Variants in ZFAND2A observed in about 807,000 individuals in gnomAD.
The protein encoded by ZFAND2A is zinc finger AN1-type containing 2A.
In ZFAND2A, 20 loss-of-function variants were observed where a neutral mutation model predicts 11.6. That is an observed-to-expected ratio of 1.72 (90% CI 1.21 to 2.50). The LOEUF (loss-of-function observed/expected upper bound fraction) is 2.50, where lower values mean the gene tolerates loss of function less well. Among genes scored for constraint, ZFAND2A ranks in the 30% most tolerant of loss-of-function variants. ZFAND2A has a pLI of 0.00. For synonymous variants in ZFAND2A, 93 were observed against 60.6 expected, an observed-to-expected ratio of 1.54 and a Z score of -2.48; for missense variants, 234 against 182.9, an observed-to-expected ratio of 1.28 and a Z score of -1.61.
chr7:1,157,799 T>A (rs1248143402), intron 2 of ZFAND2A, 49 bp from the exon 3 acceptor site: 1 of 1,371,472 alleles, frequency 7.3e-7, no homozygotes, highest in South Asian at 1.3e-5. Flanking sequence ...AACAAAATAC[T>A]TCCAGATAGT....
intron 4 of ZFAND2A, among the ~76,000 whole-genome samples, chr7:1,154,093 C>T (rs919072506): frequency 1.3e-5 from 2 of 151,994 alleles, no homozygotes; most frequent in Non-Finnish European, 2.9e-5. Flanking sequence ...GACAGGCAAG[C>T]CCCACAGAGG....
At chr7:1,153,586 G>A (rs1793451159) in intron 4 of ZFAND2A, among the ~76,000 whole-genome samples, 1 of 152,132 alleles carries the variant, frequency 6.6e-6, no homozygotes, top group South Asian at 2.1e-4. Context: ...CATTTAAACT[G>A]GACACAGTTC....
rs1793500460 is a variant in ZFAND2A, at chr7:1,155,466, T to C, written c.269A>G (p.Lys90Arg). The C allele has an allele frequency of 6.2e-7, 1 of 1,613,688 alleles. No homozygotes were observed. The part of the protein sequence containing the change: ...IDRDCDSHPG[K>R]KKEKIFTYRC... The stretch of plus-strand genomic sequence containing the variant: ...CTCTGTCCTTACCTTCTCTTTCTTC[T>C]TCCCAGGGTGAGAGTCACAGTCTCT... Residue 90 changes from lysine to arginine, a missense_variant, in exon 4 of 5, where the codon AAG becomes AGG. By Grantham distance (26) the Lys-to-Arg change is conservative. Coordinates refer to ENST00000316495, the MANE Select transcript of ZFAND2A (RefSeq NM_182491.4).
At chr7:1,158,487 G>A (rs572670058) in intron 1 of ZFAND2A, among the ~76,000 whole-genome samples, 4 of 152,232 alleles carry the variant, frequency 2.6e-5, no homozygotes, top group Non-Finnish European at 4.4e-5. Flanking sequence ...CCTTGAACTC[G>A]GGTTTCTATT....
intron 1 of ZFAND2A, 99 bp from the exon 2 acceptor site, chr7:1,158,356 T>G: frequency 1.3e-6 from 1 of 751,022 alleles, no homozygotes; most frequent in Non-Finnish European, 2.3e-6. Context: ...ACAAACGCAC[T>G]GTGTGGGGAG....
chr7:1,151,632 G>A (rs929402499), downstream of ZFAND2A, among the ~76,000 whole-genome samples: 3 of 152,132 alleles, frequency 2.0e-5, no homozygotes, highest in Non-Finnish European at 2.9e-5. Context: ...GCAGTTTGGT[G>A]CCTGTAATCC....
intron 4 of ZFAND2A, 87 bp from the exon 5 acceptor site, chr7:1,153,311 G>C: frequency 1.4e-6 from 2 of 1,465,254 alleles, no homozygotes; most frequent in Non-Finnish European, 9.3e-7. Context: ...GCAGTGGCTT[G>C]ATCTTGGCTC....
chr7:1,151,762 T>TTTAAAAAAAAAAAAA (rs1554344524), downstream of ZFAND2A, among the ~76,000 whole-genome samples: 1 of 87,158 alleles, frequency 1.1e-5, no homozygotes, highest in African/African-American at 5.6e-5. Flanking sequence ...TCATCCCTTT[T>TTTAAAAAAAAAAAAA]AAAAAAAAAA....
At position 1,155,585 on chromosome 7, in the gene ZFAND2A, CTAAAAA is replaced by C; in HGVS notation, c.151-7_151-2del. 6.2e-7 allele frequency: 1 copy of C among 1,610,052 alleles called. No individual in the cohort carries two copies. The highest frequency in any genetic ancestry group is 1.1e-5 in the South Asian group (1 of 90,194). ...GTGGGCATACTGGGACGTGAACATC[CTAAAAA>C]TAACAAAGGTAAGATGGCATCTGAG... On this transcript the variant is annotated splice_acceptor_variant and splice_polypyrimidine_tract_variant and intron_variant, in intron 3 of 4. Coordinates refer to ENST00000316495, the MANE Select transcript of ZFAND2A (RefSeq NM_182491.4). LOFTEE classifies it high-confidence loss of function.
rs185942221 is a variant in ZFAND2A at position 1,155,135 on chromosome 7, C to T, written c.282+318G>A. Among the ~76,000 whole-genome samples, 259 of 152,166 alleles carry T rather than the reference C, an allele frequency of 1.7e-3. 2 individuals are homozygous for T. Among genetic ancestry groups the T allele is most frequent in the Non-Finnish European group, 1.0e-3 (69 of 68,010 alleles). Reference sequence around the variant, plus strand: ...GCAAGACTGTCTCAAAACAAACAAACAAACAAACAAACAAATGAAACGCAC... The same window carrying T: ...GCAAGACTGTCTCAAAACAAACAAATAAACAAACAAACAAATGAAACGCAC... On this transcript the variant is annotated intron_variant, in intron 4 of 4. Transcript: ENST00000316495.
downstream of ZFAND2A, among the ~76,000 whole-genome samples, chr7:1,149,859 T>TC (rs1378263547): frequency 3.3e-5 from 5 of 151,608 alleles, no homozygotes; most frequent in East Asian, 9.7e-4. Flanking sequence ...TTAAGTTTTT[T>TC]TTTTTTTTTT....
downstream of ZFAND2A, chr7:1,152,181 C>A: frequency 6.7e-7 from 1 of 1,503,754 alleles, no homozygotes; most frequent in South Asian, 1.3e-5. Context: ...CACACAGCAA[C>A]CTTTCCGTGT....
rs1244045759 is a variant in ZFAND2A at position 1,153,052 on chromosome 7, C to T, written c.*17G>A. On this transcript the variant is annotated 3_prime_UTR_variant, in exon 5 of 5. Coordinates refer to ENST00000316495, the MANE Select transcript of ZFAND2A (RefSeq NM_182491.4). ...CATGCTACTGCGTGCTCCGAGCCAT[C>T]GCAGCGGAGTCTCTTCTCACCCAGC... 1.2e-5 allele frequency: 20 copies of T among 1,613,964 alleles called. No individual in the cohort carries two copies. Among genetic ancestry groups the T allele is most frequent in the Middle Eastern group, 1.6e-4 (1 of 6,084 alleles).
chr7:1,149,624 TACACAGAGCTCG>T (rs1793361368), downstream of ZFAND2A, among the ~76,000 whole-genome samples: 1 of 152,192 alleles, frequency 6.6e-6, no homozygotes, highest in Non-Finnish European at 1.5e-5. Context: ...TACAGGGACT[TACACAGAGCTCG>T]ATGGTGCGGC....
chr7:1,152,788 G>A (rs935328502), downstream of ZFAND2A: 12 of 546,836 alleles, frequency 2.2e-5, no homozygotes, highest in South Asian at 3.9e-5. Context: ...TGGCCCTGCC[G>A]ACATCCTGCG....
At position 1,155,686 on chromosome 7, in the gene ZFAND2A, A is replaced by C. The variant is rs75674288; in HGVS notation, c.151-102T>G. 18,606 of 1,475,682 alleles carry C rather than the reference A, an allele frequency of 0.013. 998 individuals are homozygous for C. The East Asian group carries it at 0.2, about 16-fold the overall frequency. The allele number at this position is 1,475,682 out of a possible 1,614,324, so 91.4% of individuals were successfully genotyped here. A position where few individuals can be genotyped will look rare whatever the true frequency, so the allele number is the denominator to read the frequency against. On this transcript the variant is annotated intron_variant, in intron 3 of 4. Coordinates refer to ENST00000316495, the MANE Select transcript of ZFAND2A (RefSeq NM_182491.4). ...GTGCGGCACACTTAAACACAAAGAG[A>C]GGACAAAAACCGGTCTCCCGAGCCC...
intron 4 of ZFAND2A, among the ~76,000 whole-genome samples, chr7:1,154,138 G>T (rs1209391445): frequency 1.3e-5 from 2 of 151,248 alleles, no homozygotes; most frequent in African/African-American, 4.9e-5. Flanking sequence ...AGTGGAGGTT[G>T]TCCCCATCAA....
At chr7:1,150,902 T>TTC (rs1554344406), downstream of ZFAND2A, among the ~76,000 whole-genome samples, 507 of 142,136 alleles carry the variant, frequency 3.6e-3, 1 homozygote, top group Middle Eastern at 0.026. Flanking sequence ...TTTTTTTTTT[T>TTC]TTTGAGATTC....
At chr7:1,152,270 TG>T, downstream of ZFAND2A, 1 of 1,580,684 alleles carries the variant, frequency 6.3e-7, no homozygotes, top group Non-Finnish European at 8.6e-7. Context: ...CCCGAGTCGC[TG>T]GGCCAGCCCG....
Sources: gnomAD v4.1 joint callset for allele counts (sites outside exome capture counted in the v4.1 genomes callset) on GRCh38, gnomAD v4.1.1 for gene constraint, MANE v1.5 for transcripts, NCBI Gene and HGNC (gene_info 2026-07-23, HGNC 2026-07-21) for gene names.